MAPKAP1: variants seen among roughly 807,000 people sequenced by gnomAD.
The protein encoded by MAPKAP1 is target of rapamycin complex 2 subunit MAPKAP1.
MAPKAP1 carries 20 observed loss-of-function variants against 65.7 expected under a neutral mutation model. The observed-to-expected ratio is 0.30, with a 90% CI of 0.21 to 0.44. MAPKAP1 has a LOEUF of 0.44. MAPKAP1 is among the 20% of genes least tolerant of loss of function. The pLI is 1.00. For synonymous variants in MAPKAP1, 222 were observed against 244.3 expected, an observed-to-expected ratio of 0.91 and a Z score of 0.85; for missense variants, 423 against 648.0, an observed-to-expected ratio of 0.65 and a Z score of 3.77.
intron 8 of MAPKAP1, among the ~76,000 whole-genome samples, chr9:125,502,441 A>C (rs915570741): frequency 6.6e-6 from 1 of 152,186 alleles, no homozygotes; most frequent in Admixed American, 6.5e-5. Flanking sequence ...AGAGGGCTGT[A>C]AAACTTCCTT....
At chr9:125,599,373 C>T (rs1832236904) in intron 4 of MAPKAP1, among the ~76,000 whole-genome samples, 1 of 152,154 alleles carries the variant, frequency 6.6e-6, no homozygotes, top group Non-Finnish European at 1.5e-5. Flanking sequence ...GAGGTGCAAT[C>T]TCTCTGCAAG....
intron 4 of MAPKAP1, among the ~76,000 whole-genome samples, chr9:125,639,685 G>T (rs1161510104): frequency 3.9e-5 from 6 of 152,134 alleles, no homozygotes; most frequent in Admixed American, 1.3e-4. Context: ...CTCAGATGAG[G>T]CAAGGAAATG....
chr9:125,706,931 G>A lies in MAPKAP1; in HGVS notation c.-70+40C>T, dbSNP rs576454012. 1.3e-5 allele frequency: 5 copies of A among 391,086 alleles called. No individual in the cohort carries two copies. In the South Asian group the frequency reaches 5.7e-4, roughly 45 times the overall value. The allele number at this position is 391,086 out of a possible 1,614,324, so 24.2% of individuals were successfully genotyped here. ...CGCCAGGTGGGCAAGCTGGTGGGCT[G>A]ACGGACGGGCGGGGAGCTGGCGGCT... On this transcript the variant is annotated intron_variant, in intron 1 of 11. Transcript: ENST00000265960.
At chr9:125,455,701 C>T (rs993303798) in intron 10 of MAPKAP1, among the ~76,000 whole-genome samples, 1 of 152,076 alleles carries the variant, frequency 6.6e-6, no homozygotes, top group Non-Finnish European at 1.5e-5. Context: ...CTGTAAAATC[C>T]ATTCTTGCCT....
At chr9:125,484,645 T>C in intron 8 of MAPKAP1, 62 bp from the exon 9 acceptor site, 1 of 1,504,620 alleles carries the variant, frequency 6.6e-7, no homozygotes, top group Non-Finnish European at 9.0e-7. Flanking sequence ...TGGTGTCTGC[T>C]TAAAATGCTT....
intron 7 of MAPKAP1, among the ~76,000 whole-genome samples, chr9:125,518,688 T>C (rs1411260127): frequency 6.6e-6 from 1 of 152,106 alleles, no homozygotes; most frequent in Non-Finnish European, 1.5e-5. Context: ...TAAAGCTAAG[T>C]TAATAAGACA....
chr9:125,471,134 C>G (rs1338813049), intron 9 of MAPKAP1: 1 of 152,296 alleles, frequency 6.6e-6, no homozygotes, highest in African/African-American at 2.4e-5. Flanking sequence ...CAGGCAGCAC[C>G]GCAGCACCCT....
In MAPKAP1 at chr9:125,672,607, T is replaced by C. The variant is rs774966081; in HGVS notation, c.-33A>G. ...GTGGGCCAATTTCCTTAAAAGGCTA[T>C]TTTCTCCTCTTCATATTGTTTCACG... is the stretch of plus-strand genomic sequence containing the variant. On this transcript the variant is annotated 5_prime_UTR_variant, in exon 2 of 12. Transcript: ENST00000265960. 11 of 1,608,260 alleles carry C rather than the reference T, an allele frequency of 6.8e-6. No homozygotes were observed. Among genetic ancestry groups the C allele is most frequent in the Non-Finnish European group, 8.5e-6 (10 of 1,176,044 alleles).
At chr9:125,668,106 A>T (rs1834392966) in intron 3 of MAPKAP1, among the ~76,000 whole-genome samples, 1 of 152,258 alleles carries the variant, frequency 6.6e-6, no homozygotes, top group Non-Finnish European at 1.5e-5. Flanking sequence ...AGTAGCAGTC[A>T]TGAAGAAAAT....
Position 125,666,667 on chromosome 9 carries a change from C to G in MAPKAP1, c.349+3151G>C, listed in dbSNP as rs368737985. Among the ~76,000 whole-genome samples the G allele has an allele frequency of 1.1e-3, 172 of 152,232 alleles. 5 individuals carry two copies. In the South Asian group the frequency reaches 0.034, roughly 30 times the overall value. ...TGAATAAATAATTACCCATCCAAAA[C>G]TCTCAATAAAGATCAAAAAGATTTA... On this transcript the variant is annotated intron_variant, in intron 3 of 11. Transcript: ENST00000265960.
chr9:125,638,394 C>T (rs1006730747), intron 4 of MAPKAP1, among the ~76,000 whole-genome samples: 2 of 152,186 alleles, frequency 1.3e-5, no homozygotes, highest in African/African-American at 4.8e-5. Flanking sequence ...CTTAGGGACA[C>T]ACACTGTGGG....
intron 4 of MAPKAP1, among the ~76,000 whole-genome samples, chr9:125,629,291 A>T (rs976965879): frequency 6.6e-6 from 1 of 152,234 alleles, no homozygotes; most frequent in South Asian, 2.1e-4. Context: ...CTGAAAAGAG[A>T]TATTTGTACT....
At chr9:125,579,875 T>TA (rs1416071729) in intron 5 of MAPKAP1, among the ~76,000 whole-genome samples, 2 of 152,308 alleles carry the variant, frequency 1.3e-5, no homozygotes, top group Admixed American at 1.3e-4. Flanking sequence ...CTAAGAATTG[T>TA]AAAAAATTTC....
chr9:125,486,917 C>T (rs1854515743), intron 8 of MAPKAP1, among the ~76,000 whole-genome samples: 1 of 152,164 alleles, frequency 6.6e-6, no homozygotes, highest in South Asian at 2.1e-4. Flanking sequence ...CTCCTTCTGT[C>T]CCCGTATCCT....
chr9:125,517,436 C>T (rs560384186), intron 7 of MAPKAP1, among the ~76,000 whole-genome samples: 2 of 152,292 alleles, frequency 1.3e-5, no homozygotes, highest in African/African-American at 4.8e-5. Context: ...GACTTACTGC[C>T]TCAATCCACA....
intron 4 of MAPKAP1, chr9:125,651,980 A>C: frequency 1.8e-6 from 1 of 548,258 alleles, no homozygotes; most frequent in Non-Finnish European, 2.5e-6. Context: ...TTCTTTGGGA[A>C]AGAGATCCAG....
intron 4 of MAPKAP1, among the ~76,000 whole-genome samples, chr9:125,607,523 T>C (rs1388561836): frequency 6.6e-6 from 1 of 152,260 alleles, no homozygotes; most frequent in Non-Finnish European, 1.5e-5. Flanking sequence ...TGAAGCAACA[T>C]GCCCAAAGTT....
intron 4 of MAPKAP1, among the ~76,000 whole-genome samples, chr9:125,647,566 T>C (rs1833764183): frequency 6.6e-6 from 1 of 152,210 alleles, no homozygotes; most frequent in South Asian, 2.1e-4. Context: ...CGTGGTTCTG[T>C]TCCTCTGCTC....
intron 7 of MAPKAP1, among the ~76,000 whole-genome samples, chr9:125,539,609 G>A (rs1217062258): frequency 6.6e-6 from 1 of 152,220 alleles, no homozygotes; most frequent in African/African-American, 2.4e-5. Flanking sequence ...GGGTAAGCTT[G>A]ACAGAGGGAG....
Sources: gnomAD v4.1 joint callset for allele counts (sites outside exome capture counted in the v4.1 genomes callset) on GRCh38, gnomAD v4.1.1 for gene constraint, MANE v1.5 for transcripts, NCBI Gene and HGNC (gene_info 2026-07-23, HGNC 2026-07-21) for gene names.